DIAPH3: variants seen among roughly 807,000 people sequenced by gnomAD.
DIAPH3 encodes protein diaphanous homolog 3.
DIAPH3 carries 117 observed loss-of-function variants against 144.3 expected under a neutral mutation model. That is an observed-to-expected ratio of 0.81 (90% CI 0.70 to 0.95). The LOEUF is 0.95. Among genes scored for constraint, DIAPH3 ranks in the 40% least tolerant of loss-of-function variants. The pLI is 0.00. For missense variants in DIAPH3, 1,421 were observed against 1,412.7 expected, an observed-to-expected ratio of 1.01 and a Z score of -0.09; for synonymous variants, 519 against 488.9, an observed-to-expected ratio of 1.06 and a Z score of -0.81.
chr13:59,770,589 A>G (rs1156723727), intron 27 of DIAPH3, among the ~76,000 whole-genome samples: 1 of 152,096 alleles, frequency 6.6e-6, no homozygotes, highest in Non-Finnish European at 1.5e-5. Flanking sequence ...ACATGCTACT[A>G]CTGCTGCTGC....
intron 17 of DIAPH3, among the ~76,000 whole-genome samples, chr13:59,948,196 G>A (rs1335888174): frequency 6.6e-6 from 1 of 152,112 alleles, no homozygotes; most frequent in Non-Finnish European, 1.5e-5. Context: ...TTCCAAAGCC[G>A]ATGCTTTTCA....
chr13:59,729,492 C>A (rs931042236), intron 27 of DIAPH3, among the ~76,000 whole-genome samples: 1 of 151,860 alleles, frequency 6.6e-6, no homozygotes, highest in Non-Finnish European at 1.5e-5. Context: ...GGGGGTGGAG[C>A]ATGGGGTAGG....
At chr13:59,952,781 A>G (rs761503835) in intron 17 of DIAPH3, among the ~76,000 whole-genome samples, 10 of 152,154 alleles carry the variant, frequency 6.6e-5, no homozygotes, top group Non-Finnish European at 1.2e-4. Context: ...CTTAAAATGA[A>G]AAAAGACAGT....
At chr13:59,688,525 AACC>A (rs2033334242) in intron 27 of DIAPH3, among the ~76,000 whole-genome samples, 1 of 152,068 alleles carries the variant, frequency 6.6e-6, no homozygotes, top group Non-Finnish European at 1.5e-5. Flanking sequence ...CAGAGCTAGG[AACC>A]ACCAAGAAGT....
At chr13:60,051,698 T>C (rs530685063) in intron 4 of DIAPH3, among the ~76,000 whole-genome samples, 4 of 152,230 alleles carry the variant, frequency 2.6e-5, no homozygotes, top group Admixed American at 1.3e-4. Flanking sequence ...ACTGACCTTA[T>C]ACAGCTGCAA....
At chr13:59,770,219 T>C (rs143449974) in intron 27 of DIAPH3, among the ~76,000 whole-genome samples, 207 of 152,268 alleles carry the variant, frequency 1.4e-3, no homozygotes, top group African/African-American at 4.7e-3. Context: ...CTTTAGCAAC[T>C]GGCATATCAA....
At chr13:59,915,238 A>T (rs767077847) in intron 19 of DIAPH3, among the ~76,000 whole-genome samples, 56 of 152,146 alleles carry the variant, frequency 3.7e-4, no homozygotes, top group Non-Finnish European at 6.6e-4. Context: ...ATGCTTAAAT[A>T]AGAGTAGCTG....
intron 25 of DIAPH3, among the ~76,000 whole-genome samples, chr13:59,787,276 C>T (rs1206461520): frequency 6.6e-6 from 1 of 151,936 alleles, no homozygotes; most frequent in African/African-American, 2.4e-5. Context: ...GTTATTTATA[C>T]CAAAATAAAT....
At chr13:59,861,364 C>T in intron 22 of DIAPH3, 43 bp downstream of exon 22, 2 of 1,613,222 alleles carry the variant, frequency 1.2e-6, no homozygotes, top group Admixed American at 1.7e-5. Flanking sequence ...TCTTTTAGCA[C>T]TGAAGATCAG....
intron 9 of DIAPH3, among the ~76,000 whole-genome samples, 168 bp downstream of exon 9, chr13:60,008,376 A>C (rs1277450221): frequency 1.3e-5 from 2 of 152,228 alleles, no homozygotes; most frequent in Non-Finnish European, 2.9e-5. Flanking sequence ...AGCCTGGGCG[A>C]CAAAGCAAGA....
intron 4 of DIAPH3, among the ~76,000 whole-genome samples, chr13:60,072,401 T>C (rs1041372923): frequency 7.9e-5 from 12 of 152,198 alleles, no homozygotes; most frequent in African/African-American, 2.9e-4. Context: ...ACTTCATTGA[T>C]AAGCTTTCAT....
chr13:60,110,413 T>C (rs145381738), intron 3 of DIAPH3, among the ~76,000 whole-genome samples: 61 of 152,304 alleles, frequency 4.0e-4, no homozygotes, highest in Non-Finnish European at 7.8e-4. Flanking sequence ...AGTTTAAATC[T>C]AGCATTCTCC....
intron 4 of DIAPH3, among the ~76,000 whole-genome samples, chr13:60,045,620 T>G (rs1027444870): frequency 2.6e-5 from 4 of 152,188 alleles, no homozygotes; most frequent in Admixed American, 1.3e-4. Flanking sequence ...AATTTCTTGA[T>G]ATCATAAATT....
At chr13:59,777,752 GC>G (rs1280167257) in intron 25 of DIAPH3, among the ~76,000 whole-genome samples, 1 of 152,048 alleles carries the variant, frequency 6.6e-6, no homozygotes, top group African/African-American at 2.4e-5. Flanking sequence ...GACACAACTG[GC>G]CTAGGATCTA....
intron 24 of DIAPH3, among the ~76,000 whole-genome samples, chr13:59,811,573 C>A (rs768118932): frequency 2.0e-5 from 3 of 151,754 alleles, no homozygotes; most frequent in Non-Finnish European, 4.4e-5. Context: ...TCTGTCTCTA[C>A]TAAAAATACA....
intron 13 of DIAPH3, among the ~76,000 whole-genome samples, 199 bp from the exon 14 acceptor site, chr13:59,981,058 A>T (rs2140686943): frequency 6.6e-6 from 1 of 151,670 alleles, no homozygotes; most frequent in East Asian, 1.9e-4. Flanking sequence ...AAAACACAGG[A>T]AAAGCCAAAC....
intron 24 of DIAPH3, 97 bp from the exon 25 acceptor site, chr13:59,811,020 ATTATCTTT>A: frequency 8.6e-7 from 1 of 1,166,626 alleles, no homozygotes; most frequent in Non-Finnish European, 1.2e-6. Context: ...TAGAAACATG[ATTATCTTT>A]TAGATAATGG....
chr13:59,893,723 C>T (rs886354862), intron 20 of DIAPH3, among the ~76,000 whole-genome samples: 1 of 151,998 alleles, frequency 6.6e-6, no homozygotes, highest in Non-Finnish European at 1.5e-5. Flanking sequence ...AAATAATGAA[C>T]AAGAGAACCT....
chr13:59,802,921 T>C (rs2040014058), intron 25 of DIAPH3, among the ~76,000 whole-genome samples: 2 of 151,074 alleles, frequency 1.3e-5, no homozygotes, highest in South Asian at 2.1e-4. Flanking sequence ...CCTGACCTCA[T>C]GATCCACCCG....
Sources: allele counts gnomAD v4.1 joint callset (sites outside exome capture counted in the v4.1 genomes callset), GRCh38; gene constraint gnomAD v4.1.1; transcripts MANE v1.5; gene names NCBI Gene and HGNC (gene_info 2026-07-23, HGNC 2026-07-21).